The following KIF9 variants were observed in gnomAD, a reference collection of about 807,000 sequenced individuals.
KIF9 encodes the protein kinesin-like protein KIF9.
KIF9 carries 68 observed loss-of-function variants against 94.8 expected under a neutral mutation model. The ratio of observed to expected loss-of-function variants is 0.72; its 90% CI spans 0.59 to 0.88. The LOEUF is 0.88. Among genes scored for constraint, KIF9 ranks in the 40% least tolerant of loss-of-function variants. The probability of loss-of-function intolerance (pLI) is 0.00; values close to 1 mark genes in which losing one functional copy is unlikely to be tolerated. For missense variants in KIF9, 882 were observed against 982.5 expected, an observed-to-expected ratio of 0.90 and a Z score of 1.37; for synonymous variants, 343 against 362.1, an observed-to-expected ratio of 0.95 and a Z score of 0.60.
rs762944793 is a variant in KIF9 at position 47,264,287 on chromosome 3, G to A, written c.980C>T (p.Thr327Met). 86 of 1,610,948 alleles carry A rather than the reference G, an allele frequency of 5.3e-5. 1 individual carries two copies. In the Admixed American group the frequency reaches 9.0e-4, roughly 17 times the overall value. The change falls in exon 9 of 21, where the codon ACG becomes ATG. Residue 327 changes from threonine (T) to methionine (M), a missense_variant and splice_region_variant. Thr to Met is a moderately conservative substitution (Grantham distance 81). Transcript: ENST00000684063. ...GTTTCACTGACTGTCTTTACATACC[G>A]TTTCTTCTAACTGGGCAGCTTCTCC... The part of the protein sequence containing the change: ...IYGEAAQLEE[T>M]LSSLRFASRM...
At chr3:47,258,170 A>G (rs1376175822) in intron 9 of KIF9, among the ~76,000 whole-genome samples, 1 of 152,256 alleles carries the variant, frequency 6.6e-6, no homozygotes, top group Non-Finnish European at 1.5e-5. Flanking sequence ...GCAGGTAAAA[A>G]TAATTTTAAT....
chr3:47,256,720 G>A (rs1046896274), intron 10 of KIF9, among the ~76,000 whole-genome samples: 8 of 152,228 alleles, frequency 5.3e-5, no homozygotes, highest in South Asian at 2.1e-4. Flanking sequence ...GGTGGGGAAA[G>A]GATTGAGAAG....
chr3:47,271,162 AGAAAAAG>A, intron 5 of KIF9, 68 bp downstream of exon 5: 1 of 1,063,198 alleles, frequency 9.4e-7, no homozygotes, highest in Non-Finnish European at 1.4e-6. Context: ...AAAAAGAAAA[AGAAAAAG>A]AAAAGCTGAG....
chr3:47,268,209 C>G lies in KIF9; in HGVS notation c.592-946G>C, dbSNP rs142286874. On this transcript the variant is annotated intron_variant, in intron 5 of 20. Coordinates refer to ENST00000684063, the MANE Select transcript of KIF9 (RefSeq NM_182902.4). ...TTTTAAAGGGACAGTAGGCCCTTAC[C>G]TCTAATTTACAGGAGGAGGCCTTAT... Among the ~76,000 whole-genome samples the G allele has an allele frequency of 6.6e-3, 998 of 152,206 alleles. 12 individuals carry two copies. Among genetic ancestry groups the G allele is most frequent in the African/African-American group, 0.023 (941 of 41,504 alleles).
chr3:47,234,550 G>GC, intron 20 of KIF9, among the ~76,000 whole-genome samples: 9 of 136,846 alleles, frequency 6.6e-5, no homozygotes, highest in African/African-American at 2.5e-4. Flanking sequence ...ACTGTGCCCA[G>GC]CATTTTTTTT....
intron 10 of KIF9, 24 bp downstream of exon 10, chr3:47,257,459 A>T: frequency 6.2e-7 from 1 of 1,604,564 alleles, no homozygotes; most frequent in Middle Eastern, 1.7e-4. Context: ...ACAGTGGGAC[A>T]CCTGTCCACA....
At chr3:47,237,243 G>A (rs941935440) in intron 17 of KIF9, among the ~76,000 whole-genome samples, 1 of 152,164 alleles carries the variant, frequency 6.6e-6, no homozygotes, top group Non-Finnish European at 1.5e-5. Context: ...ACAGGCATGT[G>A]CTACCACGCC....
intron 5 of KIF9, among the ~76,000 whole-genome samples, chr3:47,268,439 C>T (rs1395482717): frequency 6.6e-6 from 1 of 152,146 alleles, no homozygotes; most frequent in Admixed American, 6.5e-5. Flanking sequence ...GAGGGAAGGC[C>T]TGAGGCTGTG....
At chr3:47,272,859 ATGGT>A (rs1701733964) in intron 4 of KIF9, among the ~76,000 whole-genome samples, 2 of 152,286 alleles carry the variant, frequency 1.3e-5, no homozygotes, top group Middle Eastern at 6.8e-3. Flanking sequence ...AGGAGCATGG[ATGGT>A]TCACATACTA....
intron 17 of KIF9, among the ~76,000 whole-genome samples, chr3:47,237,329 G>A (rs1304311844): frequency 6.6e-6 from 1 of 152,174 alleles, no homozygotes; most frequent in Non-Finnish European, 1.5e-5. Flanking sequence ...CCTGACCTCA[G>A]GTGATCCGCC....
At chr3:47,234,942 G>A (rs569475977) in intron 20 of KIF9, among the ~76,000 whole-genome samples, 24 of 152,322 alleles carry the variant, frequency 1.6e-4, no homozygotes, top group African/African-American at 5.1e-4. Context: ...AAATATTTGC[G>A]AAAGAATGAA....
rs1248999859 is a variant in KIF9 at position 47,240,862 on chromosome 3, C to T, written c.1863G>A (p.Lys621=). The T allele has an allele frequency of 6.2e-7, 1 of 1,614,108 alleles. No homozygotes were observed. Residue 621 remains lysine (K), a synonymous_variant, in exon 17 of 21, where the codon AAG becomes AAA. Coordinates refer to ENST00000684063, the MANE Select transcript of KIF9 (RefSeq NM_182902.4). ...SETTQHINAI[K]REIDVTKEAL... ...CCTCCTTGGTCACATCAATCTCCCG[C>T]TTGATGGCATTGATGTGCTGTGTGG...
At chr3:47,276,483 G>A (rs999324845) in intron 2 of KIF9, among the ~76,000 whole-genome samples, 36 of 151,394 alleles carry the variant, frequency 2.4e-4, no homozygotes, top group South Asian at 4.2e-4. Context: ...TTGAACCTGG[G>A]AGGCGGAGGT....
At chr3:47,278,739 A>G (rs888084531) in intron 1 of KIF9, among the ~76,000 whole-genome samples, 4 of 152,152 alleles carry the variant, frequency 2.6e-5, no homozygotes, top group Admixed American at 1.3e-4. Context: ...TGGGAGGCCG[A>G]GGCAGGTGGA....
intron 17 of KIF9, chr3:47,239,966 T>G: frequency 7.4e-7 from 1 of 1,358,428 alleles, no homozygotes; most frequent in Non-Finnish European, 9.8e-7. Context: ...CAGTGTGGCC[T>G]CTGAACCACC....
chr3:47,231,917 G>A (rs1698618320), intron 20 of KIF9: 1 of 152,190 alleles, frequency 6.6e-6, no homozygotes, highest in Non-Finnish European at 1.5e-5. Context: ...TCAACTAGGG[G>A]AAATGATGAC....
chr3:47,240,441 C>G (rs1249954058), intron 17 of KIF9, among the ~76,000 whole-genome samples: 1 of 152,186 alleles, frequency 6.6e-6, no homozygotes, highest in Admixed American at 6.5e-5. Context: ...GAGGAAACCA[C>G]ACAGAGACCC....
chr3:47,252,964 C>G (rs11719129), intron 10 of KIF9, among the ~76,000 whole-genome samples: 145,530 of 151,942 alleles, frequency 0.96, 70,023 homozygotes, highest in East Asian at 1. Flanking sequence ...AGTGAGCCGA[C>G]ATTGTGCCAC....
intron 17 of KIF9, chr3:47,238,397 T>A (rs1034867619): frequency 6.6e-6 from 1 of 152,162 alleles, no homozygotes; most frequent in Non-Finnish European, 1.5e-5. Context: ...TTTATGTTTT[T>A]TTGTAGAGAC....
Sources: gnomAD v4.1 joint callset for allele counts (sites outside exome capture counted in the v4.1 genomes callset) on GRCh38, gnomAD v4.1.1 for gene constraint, MANE v1.5 for transcripts, NCBI Gene and HGNC (gene_info 2026-07-23, HGNC 2026-07-21) for gene names.